Variants in PKD2L2 observed in about 807,000 individuals in gnomAD.
The protein encoded by PKD2L2 is polycystin-2-like protein 2.
A neutral mutation model predicts 83.9 loss-of-function variants in PKD2L2; 67 were observed. That is an observed-to-expected ratio of 0.80 (90% confidence interval 0.66 to 0.98). The LOEUF (loss-of-function observed/expected upper bound fraction) is 0.98. Ranked by LOEUF, PKD2L2 falls within the 50% of genes least tolerant of loss-of-function variation. PKD2L2 has a pLI of 0.00. For synonymous variants in PKD2L2, 223 were observed against 237.8 expected (o/e 0.94, Z 0.57); for missense variants, 632 against 717.2 (o/e 0.88, Z 1.36).
intron 12 of PKD2L2, among the ~76,000 whole-genome samples, chr5:137,933,017 G>A (rs1760002236): frequency 7.2e-6 from 1 of 138,428 alleles, no homozygotes; most frequent in South Asian, 2.2e-4. Flanking sequence ...CATAAGCAGT[G>A]CCAATAGAAA....
intron 12 of PKD2L2, among the ~76,000 whole-genome samples, chr5:137,933,247 T>C (rs1473101340): frequency 6.6e-6 from 1 of 152,080 alleles, no homozygotes; most frequent in East Asian, 1.9e-4. Flanking sequence ...CATTTGCACT[T>C]CCATAAAATG....
intron 9 of PKD2L2, 112 bp downstream of exon 9, chr5:137,921,868 T>C (rs992668547): frequency 6.0e-6 from 5 of 835,980 alleles, no homozygotes; most frequent in African/African-American, 1.7e-5. Context: ...TTTACATTTA[T>C]TGAGAATTGT....
chr5:137,904,176 G>A (rs530188793), intron 5 of PKD2L2, among the ~76,000 whole-genome samples: 1 of 152,288 alleles, frequency 6.6e-6, no homozygotes, highest in African/African-American at 2.4e-5. Flanking sequence ...GGCTTCGGAT[G>A]TTTTTTAAAT....
At chr5:137,930,544 G>T (rs557226008) in intron 12 of PKD2L2, among the ~76,000 whole-genome samples, 1 of 151,604 alleles carries the variant, frequency 6.6e-6, no homozygotes, top group Non-Finnish European at 1.5e-5. Flanking sequence ...GGTGGCACAC[G>T]CCTATAATCC....
At chr5:137,914,520 AT>A (rs1227832180) in intron 8 of PKD2L2, among the ~76,000 whole-genome samples, 1 of 152,186 alleles carries the variant, frequency 6.6e-6, no homozygotes, top group East Asian at 1.9e-4. Flanking sequence ...ATTTATTCTA[AT>A]AGTTTTTTGG....
intron 6 of PKD2L2, among the ~76,000 whole-genome samples, chr5:137,906,821 C>T (rs985595121): frequency 6.6e-6 from 1 of 152,066 alleles, no homozygotes; most frequent in African/African-American, 2.4e-5. Context: ...TGTTTTCCTT[C>T]TCATAATAAA....
intron 8 of PKD2L2, among the ~76,000 whole-genome samples, chr5:137,911,535 A>T (rs2150027276): frequency 6.6e-6 from 1 of 152,210 alleles, no homozygotes; most frequent in East Asian, 1.9e-4. Flanking sequence ...CTCCAGACTT[A>T]TTAAGGTATA....
intron 5 of PKD2L2, among the ~76,000 whole-genome samples, chr5:137,904,550 T>C (rs1360701751): frequency 6.6e-6 from 1 of 151,832 alleles, no homozygotes; most frequent in East Asian, 1.9e-4. Flanking sequence ...TTCTCATAAG[T>C]GGGAACTAAA....
At chr5:137,911,573 T>C (rs2150027316) in intron 8 of PKD2L2, among the ~76,000 whole-genome samples, 1 of 152,360 alleles carries the variant, frequency 6.6e-6, no homozygotes, top group Non-Finnish European at 1.5e-5. Flanking sequence ...TTATGCTATA[T>C]GGTGTGATGT....
At chr5:137,894,287 G>A (rs1756250454) in intron 3 of PKD2L2, 66 bp from the exon 4 acceptor site, 7 of 1,339,320 alleles carry the variant, frequency 5.2e-6, no homozygotes, top group South Asian at 2.7e-5. Context: ...TATGCATAAT[G>A]TTATGAATGT....
chr5:137,914,686 G>A (rs1046399877), intron 8 of PKD2L2, among the ~76,000 whole-genome samples: 1 of 152,164 alleles, frequency 6.6e-6, no homozygotes, highest in Admixed American at 6.5e-5. Flanking sequence ...TGGCAAGAGA[G>A]GGCATTCTTG....
At position 137,936,495 on chromosome 5, in the gene PKD2L2, G is replaced by T. The variant is rs928533696; in HGVS notation, c.*17+68G>T. The stretch of plus-strand genomic sequence containing the variant: ...TTTTGAGACGGAGTCTCGCTCTAAC[G>T]CCCAGGCTGGAGTGCAGTGGCGTGG... On this transcript the variant is annotated intron_variant, in intron 14 of 14. Coordinates refer to ENST00000508883, the MANE Select transcript of PKD2L2 (RefSeq NM_001300921.2). The T allele has an allele frequency of 9.6e-6, 13 of 1,353,648 alleles. No individual in the cohort carries two copies. In the African/African-American group the frequency reaches 1.0e-4, roughly 11 times the overall value. The allele number at this position is 1,353,648 out of a possible 1,614,324, so 83.9% of individuals were successfully genotyped here. A position where few individuals can be genotyped will look rare whatever the true frequency, so the allele number is the denominator to read the frequency against.
At position 137,890,512 on chromosome 5, in the gene PKD2L2, G is replaced by A. The variant is rs765933225; in HGVS notation, c.63G>A (p.Lys21=). The change falls in exon 2 of 15, where the codon AAG becomes AAA. Residue 21 remains lysine (K), a synonymous_variant. Coordinates refer to ENST00000508883, the MANE Select transcript of PKD2L2 (RefSeq NM_001300921.2). ...CGAAACATAAGTTGCATTACAGAAA[G>A]GAAGTAGAAATTACAACCACACTTC... ...GASKHKLHYR[K]EVEITTTLQE... 17 of 1,589,370 alleles carry A rather than the reference G, an allele frequency of 1.1e-5. No individual in the cohort carries two copies. Among genetic ancestry groups the A allele is most frequent in the South Asian group, 2.4e-5 (2 of 84,764 alleles).
rs763189227 is a variant in PKD2L2, at chr5:137,925,872, T to C, written c.1617-3T>C. 2 of 1,584,494 alleles carry C rather than the reference T, an allele frequency of 1.3e-6. No individual in the cohort carries two copies. Among genetic ancestry groups the C allele is most frequent in the African/African-American group, 2.7e-5 (2 of 74,464 alleles). On this transcript the variant is annotated splice_polypyrimidine_tract_variant and splice_region_variant and intron_variant, in intron 11 of 14. Coordinates refer to ENST00000508883, the MANE Select transcript of PKD2L2 (RefSeq NM_001300921.2). ...TCTGACTTTTATTTTATATTCTCAA[T>C]AGCAAAGGCAGCGGAGATTTGGCTG...
At chr5:137,916,236 C>T (rs1758329481) in intron 8 of PKD2L2, among the ~76,000 whole-genome samples, 1 of 151,660 alleles carries the variant, frequency 6.6e-6, no homozygotes, top group Admixed American at 6.6e-5. Flanking sequence ...AGTGCAGTGG[C>T]ACGATCTCGG....
At chr5:137,941,233 T>C (rs1006803150) in intron 14 of PKD2L2, among the ~76,000 whole-genome samples, 1 of 152,064 alleles carries the variant, frequency 6.6e-6, no homozygotes, top group Non-Finnish European at 1.5e-5. Context: ...TTTAACCATA[T>C]GTGCCAACCT....
intron 8 of PKD2L2, among the ~76,000 whole-genome samples, chr5:137,918,071 TAAAA>T (rs972493219): frequency 5.3e-5 from 8 of 152,296 alleles, no homozygotes; most frequent in Non-Finnish European, 1.2e-4. Context: ...TAAAAAATAA[TAAAA>T]ATTCAAACCA....
At chr5:137,920,861 A>G (rs1758833715) in intron 8 of PKD2L2, among the ~76,000 whole-genome samples, 1 of 152,142 alleles carries the variant, frequency 6.6e-6, no homozygotes, top group South Asian at 2.1e-4. Context: ...TGGCATCCCT[A>G]TTTTATCAGA....
intron 9 of PKD2L2, 104 bp from the exon 10 acceptor site, chr5:137,923,313 CCTA>C: frequency 1.6e-6 from 1 of 614,164 alleles, no homozygotes; most frequent in Non-Finnish European, 2.9e-6. Context: ...CCGCACCTGG[CCTA>C]CTTTTAAAAT....
Sources: gnomAD v4.1 joint callset for allele counts (sites outside exome capture counted in the v4.1 genomes callset) on GRCh38, gnomAD v4.1.1 for gene constraint, MANE v1.5 for transcripts, NCBI Gene and HGNC (gene_info 2026-07-23, HGNC 2026-07-21) for gene names.